Variants in RBM23 observed in about 807,000 individuals in gnomAD.
RBM23 encodes probable RNA-binding protein 23.
In RBM23, 53 loss-of-function variants were observed where a neutral mutation model predicts 56.2. That is an observed-to-expected ratio of 0.94 (90% confidence interval 0.76 to 1.19). RBM23 has a LOEUF of 1.19. RBM23 is among the 50% of genes most tolerant of loss of function. The probability of loss-of-function intolerance (pLI) is 0.00; values close to 1 mark genes in which losing one functional copy is unlikely to be tolerated. For synonymous variants in RBM23, 197 were observed against 198.5 expected (o/e 0.99, Z 0.06); for missense variants, 642 against 590.3 (o/e 1.09, Z -0.91).
At position 22,905,331 on chromosome 14, in the gene RBM23, G is replaced by A. The variant is rs779685792; in HGVS notation, c.573+5C>T. The A allele has an allele frequency of 3.7e-6, 6 of 1,614,044 alleles. No homozygotes were observed. In the Admixed American group the frequency reaches 6.7e-5, roughly 18 times the overall value. ...CTCAGAAGAAAACTAAGGTGGGAGG[G>A]TTACCTTGCCTACAGCAGAGAAAAA... is the stretch of plus-strand genomic sequence containing the variant. On this transcript the variant is annotated splice_donor_5th_base_variant and intron_variant, in intron 7 of 13. Transcript: ENST00000359890.
At chr14:22,905,505 C>A (rs2041377131) in intron 6 of RBM23, 52 bp from the exon 7 acceptor site, 1 of 1,602,282 alleles carries the variant, frequency 6.2e-7, no homozygotes, top group East Asian at 2.2e-5. Flanking sequence ...GGTCATTGTT[C>A]TCCAGCTAAC....
intron 4 of RBM23, among the ~76,000 whole-genome samples, chr14:22,908,001 A>G (rs1214085882): frequency 6.6e-6 from 1 of 152,176 alleles, no homozygotes; most frequent in African/African-American, 2.4e-5. Flanking sequence ...GTTTTAAGCT[A>G]AATGTTTCAA....
intron 4 of RBM23, among the ~76,000 whole-genome samples, chr14:22,907,435 T>A (rs1484515927): frequency 6.6e-6 from 1 of 152,158 alleles, no homozygotes; most frequent in African/African-American, 2.4e-5. Flanking sequence ...TCAAAATAGC[T>A]AGTAGAGAAT....
At chr14:22,917,270 C>T (rs2043690988) in intron 1 of RBM23, 1 of 152,108 alleles carries the variant, frequency 6.6e-6, no homozygotes, top group African/African-American at 2.4e-5. Context: ...TGCTTTTTCC[C>T]CTCCAAATGA....
chr14:22,906,399 A>C, intron 4 of RBM23, 31 bp from the exon 5 acceptor site: 2 of 1,609,204 alleles, frequency 1.2e-6, no homozygotes, highest in Non-Finnish European at 1.7e-6. Context: ...AGTCATGCCC[A>C]CATCATGTTT....
chr14:22,916,402 G>C (rs555720298), intron 1 of RBM23, among the ~76,000 whole-genome samples: 16 of 150,608 alleles, frequency 1.1e-4, no homozygotes, highest in Non-Finnish European at 2.2e-4. Flanking sequence ...GACCACAGGT[G>C]TGCACTATGA....
chr14:22,910,139 G>T (rs542707223), intron 2 of RBM23, among the ~76,000 whole-genome samples: 1 of 50,956 alleles, frequency 2.0e-5, no homozygotes. Flanking sequence ...GCAGCCTAGT[G>T]AGACTCTGTC....
intron 1 of RBM23, among the ~76,000 whole-genome samples, chr14:22,912,715 C>T (rs1328560529): frequency 6.6e-6 from 1 of 152,054 alleles, no homozygotes; most frequent in Non-Finnish European, 1.5e-5. Context: ...CTAGGCCAGG[C>T]GCGGTGGCTC....
At position 22,902,077 on chromosome 14, in the gene RBM23, G is replaced by A. The variant is rs1010907955; in HGVS notation, c.1149C>T (p.Ser383=). 2 of 1,603,628 alleles carry A rather than the reference G, an allele frequency of 1.2e-6. No individual in the cohort carries two copies. The highest frequency in any genetic ancestry group is 2.7e-5 in the African/African-American group (2 of 74,732). Residue 383 remains serine (S), a synonymous_variant, in exon 12 of 14, where the codon AGC becomes AGT. Transcript: ENST00000359890. ...CGGCGGCAGCAGCAGCAGCAGCAGT[G>A]CTTGGCAGTTGGATTCCAGCGCCTA... ...LAEGAGIQLP[S]TAAAAAAAAA...
Position 22,902,010 on chromosome 14 carries a change from A to C in RBM23, c.1216T>G (p.Leu406Val). The C allele has an allele frequency of 6.2e-7, 1 of 1,612,358 alleles. No individual in the cohort carries two copies. The highest frequency in any genetic ancestry group is 8.5e-7 in the Non-Finnish European group (1 of 1,178,782). ...AGAGCTGCTGGATTCAGGGCCCCCA[A>C]GGGAACTGCTCCATTCAGTTGCAAG... is the stretch of plus-strand genomic sequence containing the variant. ...AALQLNGAVP[L>V]GALNPAALTA... The change falls in exon 12 of 14, where the codon TTG (leucine) becomes GTG (valine). Residue 406 changes from leucine to valine, a missense_variant. Physicochemically the swap from Leu to Val is conservative, Grantham distance 32. Coordinates refer to ENST00000359890, the MANE Select transcript of RBM23 (RefSeq NM_001077351.2).
intron 3 of RBM23, 72 bp from the exon 4 acceptor site, chr14:22,908,452 G>A: frequency 6.7e-7 from 1 of 1,494,766 alleles, no homozygotes; most frequent in South Asian, 1.2e-5. Context: ...TCGTGCAGTG[G>A]TGCAATCTTG....
At chr14:22,907,330 G>A (rs1030556555) in intron 4 of RBM23, among the ~76,000 whole-genome samples, 4 of 151,620 alleles carry the variant, frequency 2.6e-5, no homozygotes, top group Non-Finnish European at 4.4e-5. Context: ...CAACAAAAGC[G>A]AAACTCGGTC....
chr14:22,909,098 G>A (rs1352805976), intron 3 of RBM23, among the ~76,000 whole-genome samples: 2 of 151,828 alleles, frequency 1.3e-5, no homozygotes, highest in African/African-American at 2.4e-5. Context: ...GCCTGCCACC[G>A]CGCCCAGCTA....
intron 4 of RBM23, among the ~76,000 whole-genome samples, chr14:22,908,066 G>C (rs1191034133): frequency 2.0e-5 from 3 of 152,074 alleles, no homozygotes; most frequent in Non-Finnish European, 2.9e-5. Flanking sequence ...TGTTGCCCAG[G>C]CAGGAGTTTA....
chr14:22,906,737 A>G (rs2041636363), intron 4 of RBM23, among the ~76,000 whole-genome samples: 1 of 152,242 alleles, frequency 6.6e-6, no homozygotes, highest in South Asian at 2.1e-4. Context: ...ATGTCATTTA[A>G]TAGAAAAAAT....
In RBM23 at chr14:22,893,753, G is replaced by T. The variant is rs2040202656; in HGVS notation, c.*7977C>A. 6.6e-6 allele frequency: 1 copy of T among 152,006 alleles called. No homozygotes were observed. The highest frequency in any genetic ancestry group is 1.5e-5 in the Non-Finnish European group (1 of 68,010). 9.4% of individuals were successfully genotyped at this position (152,006 alleles called of 1,614,324 possible). A position where few individuals can be genotyped will look rare whatever the true frequency, so the allele number is the denominator to read the frequency against. On this transcript the variant is annotated 3_prime_UTR_variant, in exon 14 of 14. Coordinates refer to ENST00000359890, the MANE Select transcript of RBM23 (RefSeq NM_001077351.2). Reference sequence around the variant, plus strand: ...TTGGGTGGATGGTGCAGTCGTCAAAGGACACAAATGCCGGACAAGAGCATA... The same window carrying T: ...TTGGGTGGATGGTGCAGTCGTCAAATGACACAAATGCCGGACAAGAGCATA...
chr14:22,912,080 G>A lies in RBM23; in HGVS notation c.-10-677C>T, dbSNP rs1411378231. Among the ~76,000 whole-genome samples the A allele has an allele frequency of 2.0e-5, 3 of 152,062 alleles. 1 individual carries two copies. Among genetic ancestry groups the A allele is most frequent in the South Asian group, 4.1e-4 (2 of 4,830 alleles). The stretch of plus-strand genomic sequence containing the variant: ...CTGTTCACTATAAAATAGACATTAG[G>A]TCTCCACTCTACTGTTCAAAATTCT... On this transcript the variant is annotated intron_variant, in intron 1 of 13. Transcript: ENST00000359890.
At position 22,900,582 on chromosome 14, in the gene RBM23, G is replaced by A. The variant is rs1000533860; in HGVS notation, c.*1148C>T. ...ACAGTGTAATGCAGATACAGAATGGGAACCCCACCCAGGTGTGAGTTTTCA... is the reference window on the plus strand; with the variant it reads ...ACAGTGTAATGCAGATACAGAATGGAAACCCCACCCAGGTGTGAGTTTTCA... On this transcript the variant is annotated 3_prime_UTR_variant, in exon 14 of 14. Coordinates refer to ENST00000359890, the MANE Select transcript of RBM23 (RefSeq NM_001077351.2). The A allele has an allele frequency of 6.6e-5, 10 of 152,126 alleles. No homozygotes were observed. The highest frequency in any genetic ancestry group is 2.2e-4 in the African/African-American group (9 of 41,412). 9.4% of individuals were successfully genotyped at this position (152,126 alleles called of 1,614,324 possible).
chr14:22,906,305 C>A lies in RBM23; in HGVS notation c.291G>T (p.Gln97His), dbSNP rs1037393172. 4 of 1,614,256 alleles carry A rather than the reference C, an allele frequency of 2.5e-6. No homozygotes were observed. The Admixed American group carries it at 5.0e-5, about 20-fold the overall frequency. ...CCCAGCTACGGCTACGGTGACGACA[C>A]TGCCGACCTGGACTTCGGCTCCGAC... Reference protein sequence around the residue: ...RNSRSRSPGRQCRHRSRSWDR... With the variant: ...RNSRSRSPGRHCRHRSRSWDR... The change falls in exon 5 of 14, where the codon CAG becomes CAT. Residue 97 changes from glutamine to histidine, a missense_variant. Coordinates refer to ENST00000359890, the MANE Select transcript of RBM23 (RefSeq NM_001077351.2).
Sources: allele counts gnomAD v4.1 joint callset (sites outside exome capture counted in the v4.1 genomes callset), GRCh38; gene constraint gnomAD v4.1.1; transcripts MANE v1.5; gene names NCBI Gene and HGNC (gene_info 2026-07-23, HGNC 2026-07-21).